The following DVL3 variants were observed in gnomAD, a reference collection of about 807,000 sequenced individuals.
The protein encoded by DVL3 is dishevelled segment polarity protein 3.
In DVL3, 27 loss-of-function variants were observed where a neutral mutation model predicts 67.4. The ratio of observed to expected loss-of-function variants is 0.40; its 90% CI spans 0.30 to 0.55. DVL3 has a LOEUF of 0.55. Ranked by LOEUF, DVL3 falls within the 20% of genes least tolerant of loss-of-function variation. The pLI is 0.46. For synonymous variants in DVL3, 369 were observed against 396.8 expected (o/e 0.93, Z 0.83); for missense variants, 819 against 1,021.5 (o/e 0.80, Z 2.70).
chr3:184,156,392 G>A (rs1165844247), intron 1 of DVL3: 2 of 456,614 alleles, frequency 4.4e-6, no homozygotes, highest in South Asian at 3.1e-5. Flanking sequence ...GCTGTTGTGG[G>A]TGTTGTCACC....
chr3:184,168,147 G>A lies in DVL3; in HGVS notation c.1498+82G>A, dbSNP rs1577051151. The A allele has an allele frequency of 2.0e-6, 3 of 1,513,846 alleles. No individual in the cohort carries two copies. In the African/African-American group the frequency reaches 4.1e-5, roughly 21 times the overall value. The allele number at this position is 1,513,846 out of a possible 1,614,324, so 93.8% of individuals were successfully genotyped here. On this transcript the variant is annotated intron_variant, in intron 13 of 14. Transcript: ENST00000313143. ...CAGGGAAGTGGCAGCAGACTCTGGG[G>A]AACCCAAACTGGGGGACAGCAGAGC...
rs1455905933 is a variant in DVL3 at position 184,173,290 on chromosome 3, T to C, written c.*2535T>C. On this transcript the variant is annotated 3_prime_UTR_variant, in exon 15 of 15. Transcript: ENST00000313143. Reference sequence around the variant, plus strand: ...TTACATTCCTTCTTCCCATATCTTATCAGCATATCATATCCATTTCACTCC... The same window carrying C: ...TTACATTCCTTCTTCCCATATCTTACCAGCATATCATATCCATTTCACTCC... 2 of 152,226 alleles carry C rather than the reference T, an allele frequency of 1.3e-5. No homozygotes were observed. Among genetic ancestry groups the C allele is most frequent in the East Asian group, 1.9e-4 (1 of 5,204 alleles). The allele number at this position is 152,226 out of a possible 1,614,324, so 9.4% of individuals were successfully genotyped here.
At position 184,166,333 on chromosome 3, in the gene DVL3, G is replaced by A; in HGVS notation, c.903+68G>A. 1 of 1,606,774 alleles carries A rather than the reference G, an allele frequency of 6.2e-7. No individual in the cohort carries two copies. The highest frequency in any genetic ancestry group is 1.1e-5 in the South Asian group (1 of 90,266). On this transcript the variant is annotated intron_variant, in intron 8 of 14. Coordinates refer to ENST00000313143, the MANE Select transcript of DVL3 (RefSeq NM_004423.4). The surrounding 1 kb of genome is among the most constrained non-coding windows in gnomAD (Gnocchi z 6.7). ...GGAGGTGTCCTACCATCTGTACCCT[G>A]CTCCTTCAGAGGCCCCTTCTTGGTT...
At chr3:184,169,643 G>A (rs1336008935) in intron 13 of DVL3, among the ~76,000 whole-genome samples, 2 of 152,210 alleles carry the variant, frequency 1.3e-5, no homozygotes, top group Non-Finnish European at 2.9e-5. Flanking sequence ...AGCTGAAACT[G>A]TACCACTGCA....
rs1714564116 is a variant in DVL3 at position 184,165,815 on chromosome 3, G to A, written c.764-311G>A. ...TAGGTACTCTCTTTATGAGACAGCT[G>A]GATATAGTAAAAGGAGCCCAACTAT... On this transcript the variant is annotated intron_variant, in intron 7 of 14. Transcript: ENST00000313143. The surrounding 1 kb of genome is among the most constrained non-coding windows in gnomAD (Gnocchi z 4.1). 6.6e-6 allele frequency among the ~76,000 whole-genome samples: 1 copy of A among 152,186 alleles called. No homozygotes were observed. The highest frequency in any genetic ancestry group is 1.5e-5 in the Non-Finnish European group (1 of 68,040).
In DVL3 at chr3:184,170,144, C is replaced by T. The variant is rs1252223510; in HGVS notation, c.1637C>T (p.Pro546Leu). Residue 546 changes from proline to leucine, a missense_variant, in exon 14 of 15, where the codon CCA becomes CTA. This residue lies in a region of DVL3 where 324 missense variants were observed against 331.3 expected (regional missense o/e 0.98). Coordinates refer to ENST00000313143, the MANE Select transcript of DVL3 (RefSeq NM_004423.4). The surrounding 1 kb of genome is among the most constrained non-coding windows in gnomAD (Gnocchi z 6.5). ...FPYQYPPPPHPYNPHPGFPEL... is the reference protein window; with the variant it reads ...FPYQYPPPPHLYNPHPGFPEL... The stretch of plus-strand genomic sequence containing the variant: ...TACCAGTACCCGCCACCCCCGCACC[C>T]ATACAACCCGCACCCGGGCTTCCCG... 1.2e-6 allele frequency: 2 copies of T among 1,611,804 alleles called. No homozygotes were observed. The highest frequency in any genetic ancestry group is 1.7e-6 in the Non-Finnish European group (2 of 1,179,962).
At chr3:184,161,190 G>A (rs995767791) in intron 1 of DVL3, among the ~76,000 whole-genome samples, 1 of 152,218 alleles carries the variant, frequency 6.6e-6, no homozygotes, top group Non-Finnish European at 1.5e-5. Context: ...ATTTGGGGAG[G>A]CCGAGGTGGG....
chr3:184,170,663 C>T lies in DVL3; in HGVS notation c.2059C>T (p.Leu687=). Residue 687 remains leucine, a synonymous_variant, in exon 15 of 15, where the codon CTG becomes TTG. Transcript: ENST00000313143. The surrounding 1 kb of genome is among the most constrained non-coding windows in gnomAD (Gnocchi z 6.5). ...CCCAGGAGCCCCTCCGGGCCGCGAC[C>T]TGGCCTCAGTGCCCCCGGAACTGAC... is the stretch of plus-strand genomic sequence containing the variant. ...GPPGAPPGRD[L]ASVPPELTAS... is the part of the protein sequence containing the mutation. 1 of 1,613,354 alleles carries T rather than the reference C, an allele frequency of 6.2e-7. No homozygotes were observed. The highest frequency in any genetic ancestry group is 1.1e-5 in the South Asian group (1 of 91,034).
Position 184,164,173 on chromosome 3 carries a change from T to G in DVL3, c.232-94T>G. 6.9e-7 allele frequency: 1 copy of G among 1,447,610 alleles called. No individual in the cohort carries two copies. Among genetic ancestry groups the G allele is most frequent in the East Asian group, 2.3e-5 (1 of 43,526 alleles). The allele number at this position is 1,447,610 out of a possible 1,614,324, so 89.7% of individuals were successfully genotyped here. ...TTCTCCCTCGATATTTCCTGCTTCC[T>G]TCCTCTTAGGCCTTCATGCCTTGCT... On this transcript the variant is annotated intron_variant, in intron 2 of 14. Transcript: ENST00000313143. The surrounding 1 kb of genome is among the most constrained non-coding windows in gnomAD (Gnocchi z 5.3).
rs1412133111 is a variant in DVL3 at position 184,170,081 on chromosome 3, C to T, written c.1574C>T (p.Pro525Leu). 9 of 1,613,852 alleles carry T rather than the reference C, an allele frequency of 5.6e-6. 1 individual carries two copies. Among genetic ancestry groups the T allele is most frequent in the Admixed American group, 3.3e-5 (2 of 59,972 alleles). Residue 525 changes from proline (P) to leucine (L), a missense_variant, in exon 14 of 15, where the codon CCG becomes CTG. By Grantham distance (98) the Pro-to-Leu change is moderately conservative. This residue lies in a region of DVL3 where 324 missense variants were observed against 331.3 expected (regional missense o/e 0.98). Transcript: ENST00000313143. The surrounding 1 kb of genome is among the most constrained non-coding windows in gnomAD (Gnocchi z 6.5). ...GACCAGGACACACTGGCCCCTTTGCCGCACCCGGGGGCCGCCCCTTGGCCC... is the reference window on the plus strand; with the variant it reads ...GACCAGGACACACTGGCCCCTTTGCTGCACCCGGGGGCCGCCCCTTGGCCC... ...ASDQDTLAPL[P>L]HPGAAPWPMA...
In DVL3 at chr3:184,155,710, C is replaced by G. The variant is rs752003207; in HGVS notation, c.75C>G (p.Ala25=). 1 of 1,613,348 alleles carries G rather than the reference C, an allele frequency of 6.2e-7. No homozygotes were observed. The change falls in exon 1 of 15, where the codon GCC becomes GCG. Residue 25 remains alanine (A), a synonymous_variant. Coordinates refer to ENST00000313143, the MANE Select transcript of DVL3 (RefSeq NM_004423.4). The surrounding 1 kb of genome is among the most constrained non-coding windows in gnomAD (Gnocchi z 5.4). ...TPYLVKLPLP[A]ERVTLADFKG... is the part of the protein sequence containing the mutation. ...ACCTTGTGAAGCTGCCCCTGCCCGC[C>G]GAGCGCGTCACCTTGGCGGACTTTA...
Position 184,171,127 on chromosome 3 carries a change from G to A in DVL3, c.*372G>A. On this transcript the variant is annotated 3_prime_UTR_variant, in exon 15 of 15. Coordinates refer to ENST00000313143, the MANE Select transcript of DVL3 (RefSeq NM_004423.4). Reference sequence around the variant, plus strand: ...GGCACGCTCACTCCCTCATTCTCTCGTTTCCCCTTTAGCTCCCTTTCACCA... The same window carrying A: ...GGCACGCTCACTCCCTCATTCTCTCATTTCCCCTTTAGCTCCCTTTCACCA... The A allele has an allele frequency of 1.7e-6, 2 of 1,191,126 alleles. No individual in the cohort carries two copies. The highest frequency in any genetic ancestry group is 1.1e-6 in the Non-Finnish European group (1 of 950,290). The allele number at this position is 1,191,126 out of a possible 1,614,324, so 73.8% of individuals were successfully genotyped here. A position where few individuals can be genotyped will look rare whatever the true frequency, so the allele number is the denominator to read the frequency against.
chr3:184,155,686 C>T lies in DVL3; in HGVS notation c.51C>T (p.Tyr17=). The T allele has an allele frequency of 6.2e-7, 1 of 1,612,578 alleles. No homozygotes were observed. The highest frequency in any genetic ancestry group is 8.5e-7 in the Non-Finnish European group (1 of 1,179,658). The stretch of plus-strand genomic sequence containing the variant: ...ACTTGGATGGGCAGGAGACGCCGTA[C>T]CTTGTGAAGCTGCCCCTGCCCGCCG... The part of the protein sequence containing the change: ...IYHLDGQETP[Y]LVKLPLPAER... Residue 17 remains tyrosine, a synonymous_variant, in exon 1 of 15, where the codon TAC becomes TAT. Transcript: ENST00000313143. This position sits in a 1 kb window ranked among gnomAD's most constrained non-coding sequence, Gnocchi z 5.4.
chr3:184,163,551 T>G lies in DVL3; in HGVS notation c.162-106T>G. 2 of 970,314 alleles carry G rather than the reference T, an allele frequency of 2.1e-6. No individual in the cohort carries two copies. Among genetic ancestry groups the G allele is most frequent in the Non-Finnish European group, 3.4e-6 (2 of 593,158 alleles). The allele number at this position is 970,314 out of a possible 1,614,324, so 60.1% of individuals were successfully genotyped here. A position where few individuals can be genotyped will look rare whatever the true frequency, so the allele number is the denominator to read the frequency against. ...TTTCATTTGAACAGTCTTGTGCTGG[T>G]GGTTTGATTCCCAGTTTAGGATGGA... On this transcript the variant is annotated intron_variant, in intron 1 of 14. Transcript: ENST00000313143. This position sits in a 1 kb window ranked among gnomAD's most constrained non-coding sequence, Gnocchi z 4.5.
rs768431588 is a variant in DVL3 at position 184,164,829 on chromosome 3, G to A, written c.497G>A (p.Arg166Gln). 47 of 1,614,078 alleles carry A rather than the reference G, an allele frequency of 2.9e-5. No individual in the cohort carries two copies. The highest frequency in any genetic ancestry group is 4.5e-5 in the East Asian group (2 of 44,880). ...TRLNGTAKGE[R>Q]RREPGGYDSS... ...CTAAATGGAACTGCGAAGGGGGAAC[G>A]GCGGCGAGAACCAGGGGGTTATGAT... Residue 166 changes from arginine to glutamine, a missense_variant, in exon 5 of 15, where the codon CGG becomes CAG. Coordinates refer to ENST00000313143, the MANE Select transcript of DVL3 (RefSeq NM_004423.4). The surrounding 1 kb of genome is among the most constrained non-coding windows in gnomAD (Gnocchi z 5.3).
At position 184,164,560 on chromosome 3, in the gene DVL3, C is replaced by T; in HGVS notation, c.422C>T (p.Ala141Val). 1 of 1,572,126 alleles carries T rather than the reference C, an allele frequency of 6.4e-7. No homozygotes were observed. The highest frequency in any genetic ancestry group is 8.6e-7 in the Non-Finnish European group (1 of 1,159,144). Reference sequence around the variant, plus strand: ...ACAGAGACGGACTCTTTGGTGTCTGCCCAGCGAGAGCGGCCACGCCGGAGG... The same window carrying T: ...ACAGAGACGGACTCTTTGGTGTCTGTCCAGCGAGAGCGGCCACGCCGGAGG... Reference protein sequence around the residue: ...NDTETDSLVSAQRERPRRRDG... With the variant: ...NDTETDSLVSVQRERPRRRDG... Residue 141 changes from alanine (A) to valine (V), a missense_variant, in exon 4 of 15, where the codon GCC becomes GTC. Transcript: ENST00000313143. The surrounding 1 kb of genome is among the most constrained non-coding windows in gnomAD (Gnocchi z 5.3).
chr3:184,169,960 C>T (rs1233213043), intron 13 of DVL3, 46 bp from the exon 14 acceptor site: 4 of 1,518,408 alleles, frequency 2.6e-6, no homozygotes, highest in Non-Finnish European at 3.6e-6. Context: ...AGGCTAGGGA[C>T]CTCTCTCCGG....
In DVL3 at chr3:184,165,538, C is replaced by G; in HGVS notation, c.763+47C>G. The G allele has an allele frequency of 6.5e-7, 1 of 1,545,546 alleles. No individual in the cohort carries two copies. The highest frequency in any genetic ancestry group is 1.1e-5 in the South Asian group (1 of 89,634). On this transcript the variant is annotated intron_variant, in intron 7 of 14. Transcript: ENST00000313143. This position sits in a 1 kb window ranked among gnomAD's most constrained non-coding sequence, Gnocchi z 4.1. ...TCTCAAGCACCTGCTATATGCCAGA[C>G]ACTGGGCAGACTTGAGTTCAGAGAG... is the stretch of plus-strand genomic sequence containing the variant.
At position 184,170,475 on chromosome 3, in the gene DVL3, G is replaced by GCTCAGGGCCGGCGGCCAGCGAGCA; in HGVS notation, c.1873_1896dup (p.Gly626_Ser633dup). 1 of 1,591,234 alleles carries GCTCAGGGCCGGCGGCCAGCGAGCA rather than the reference G, an allele frequency of 6.3e-7. No individual in the cohort carries two copies. The highest frequency in any genetic ancestry group is 1.7e-4 in the Middle Eastern group (1 of 6,010). On this transcript the variant is annotated inframe_insertion, in exon 15 of 15. Coordinates refer to ENST00000313143, the MANE Select transcript of DVL3 (RefSeq NM_004423.4). This position sits in a 1 kb window ranked among gnomAD's most constrained non-coding sequence, Gnocchi z 6.5. Reference sequence around the variant, plus strand: ...CCGCGGGAGCGGGCGCCCAGCGAGCGCTCAGGGCCGGCGGCCAGCGAGCAC... The same window carrying GCTCAGGGCCGGCGGCCAGCGAGCA: ...CCGCGGGAGCGGGCGCCCAGCGAGCGCTCAGGGCCGGCGGCCAGCGAGCACTCAGGGCCGGCGGCCAGCGAGCAC...
Sources: gnomAD v4.1 joint callset for allele counts (sites outside exome capture counted in the v4.1 genomes callset) on GRCh38, gnomAD v4.1.1 for gene constraint, gnomAD v4.1.1 regional missense constraint, Gnocchi (gnomAD v3.1) non-coding constraint, MANE v1.5 for transcripts, NCBI Gene and HGNC (gene_info 2026-07-23, HGNC 2026-07-21) for gene names.